GFOD2: variants seen among roughly 807,000 people sequenced by gnomAD.
GFOD2 encodes Gfo/Idh/MocA-like oxidoreductase domain containing 2.
GFOD2 carries 9 observed loss-of-function variants against 24.6 expected under a neutral mutation model. That is an observed-to-expected ratio of 0.37 (90% CI 0.22 to 0.64). The LOEUF is 0.64. Ranked by LOEUF, GFOD2 falls within the 30% of genes least tolerant of loss-of-function variation. The pLI, the probability that GFOD2 is intolerant of heterozygous loss-of-function variation, is 0.65. For missense variants in GFOD2, 476 were observed against 532.5 expected (o/e 0.89, Z 1.04); for synonymous variants, 211 against 224.8 (o/e 0.94, Z 0.55).
intron 1 of GFOD2, among the ~76,000 whole-genome samples, chr16:67,698,580 G>T (rs1343792695): frequency 6.6e-6 from 1 of 152,164 alleles, no homozygotes. Flanking sequence ...CCAGGTTCAA[G>T]CAAGTCTCCT....
intron 2 of GFOD2, among the ~76,000 whole-genome samples, chr16:67,678,476 C>CAAAAA (rs144320358): frequency 4.0e-5 from 3 of 74,946 alleles, no homozygotes; most frequent in Admixed American, 1.5e-4. Flanking sequence ...AACTCTGTCT[C>CAAAAA]AAAAAAAAAA....
Position 67,692,647 on chromosome 16 carries a change from T to C in GFOD2, c.-87-6845A>G, listed in dbSNP as rs746766556. Among the ~76,000 whole-genome samples the C allele has an allele frequency of 1.4e-5, 2 of 148,014 alleles. 1 individual carries two copies. Among genetic ancestry groups the C allele is most frequent in the South Asian group, 4.3e-4 (2 of 4,670 alleles). ...AACAAAAATGCTTCATAGGAAATTA[T>C]ACAAATGAAAGGATACATACTAAAT... is the stretch of plus-strand genomic sequence containing the variant. On this transcript the variant is annotated intron_variant, in intron 1 of 2. Coordinates refer to ENST00000268797, the MANE Select transcript of GFOD2 (RefSeq NM_030819.4).
chr16:67,701,124 T>C (rs1482715185), intron 1 of GFOD2, among the ~76,000 whole-genome samples: 7 of 152,038 alleles, frequency 4.6e-5, no homozygotes, highest in Non-Finnish European at 2.9e-5. Context: ...TATCAAATAC[T>C]GGCAAGGGTA....
At chr16:67,689,541 T>C (rs943680857) in intron 1 of GFOD2, among the ~76,000 whole-genome samples, 3 of 151,658 alleles carry the variant, frequency 2.0e-5, no homozygotes, top group Non-Finnish European at 4.4e-5. Context: ...CGTGGTGGCA[T>C]GTGCCTGTAA....
intron 2 of GFOD2, among the ~76,000 whole-genome samples, chr16:67,679,704 T>G (rs1228715838): frequency 7.9e-5 from 12 of 151,388 alleles, no homozygotes; most frequent in Non-Finnish European, 1.3e-4. Context: ...CTGACCAACA[T>G]GATGAAACCC....
intron 1 of GFOD2, among the ~76,000 whole-genome samples, chr16:67,686,324 G>A (rs1036773647): frequency 2.0e-5 from 3 of 152,056 alleles, no homozygotes; most frequent in African/African-American, 4.8e-5. Flanking sequence ...AAACACTGCA[G>A]AATCTTCTTC....
intron 2 of GFOD2, chr16:67,676,370 G>A (rs978832037): frequency 2.3e-5 from 7 of 308,980 alleles, no homozygotes; most frequent in African/African-American, 6.6e-5. Context: ...TCCTGCCTTG[G>A]CCTCCCAAAG....
chr16:67,680,888 C>G (rs1191453875), intron 2 of GFOD2: 1 of 985,318 alleles, frequency 1.0e-6, no homozygotes, highest in Non-Finnish European at 1.2e-6. Flanking sequence ...CAATCTCCTG[C>G]TCTTCTTTAA....
chr16:67,716,173 A>AT (rs1166014194), intron 1 of GFOD2, among the ~76,000 whole-genome samples: 2 of 152,042 alleles, frequency 1.3e-5, no homozygotes, highest in African/African-American at 4.8e-5. Flanking sequence ...TCCCCATTCC[A>AT]TTTCTCCTCT....
chr16:67,676,012 C>T lies in GFOD2; in HGVS notation c.301G>A (p.Val101Met). ...NVVCEKAATS[V>M]DAFRMVTASR... The stretch of plus-strand genomic sequence containing the variant: ...GCTGTCACCATCCGGAAGGCATCCA[C>T]CGATGTTGCTGCCTTCTCGCAAACC... The change falls in exon 3 of 3, where the codon GTG becomes ATG. Residue 101 changes from valine to methionine, a missense_variant. Coordinates refer to ENST00000268797, the MANE Select transcript of GFOD2 (RefSeq NM_030819.4). The T allele has an allele frequency of 6.2e-7, 1 of 1,613,788 alleles. No homozygotes were observed. Among genetic ancestry groups the T allele is most frequent in the Non-Finnish European group, 8.5e-7 (1 of 1,179,784 alleles).
rs1208965373 is a variant in GFOD2, at chr16:67,675,062, C to T, written c.*93G>A. Reference sequence around the variant, plus strand: ...TCACCCAGACTCATTAAATGAAAGACACTGTCTCTGCTAGGGCCAAGTCCC... The same window carrying T: ...TCACCCAGACTCATTAAATGAAAGATACTGTCTCTGCTAGGGCCAAGTCCC... On this transcript the variant is annotated 3_prime_UTR_variant, in exon 3 of 3. Transcript: ENST00000268797. The T allele has an allele frequency of 6.5e-6, 9 of 1,378,550 alleles. No individual in the cohort carries two copies. The highest frequency in any genetic ancestry group is 8.9e-6 in the Non-Finnish European group (9 of 1,011,262). 85.4% of individuals were successfully genotyped at this position (1,378,550 alleles called of 1,614,324 possible).
At chr16:67,686,637 C>T (rs763944053) in intron 1 of GFOD2, among the ~76,000 whole-genome samples, 50 of 151,536 alleles carry the variant, frequency 3.3e-4, no homozygotes, top group Admixed American at 5.3e-4. Context: ...CAAAACCAGC[C>T]GGGTCAACAT....
intron 1 of GFOD2, among the ~76,000 whole-genome samples, chr16:67,715,849 A>C (rs1234569600): frequency 6.6e-6 from 1 of 151,482 alleles, no homozygotes; most frequent in Non-Finnish European, 1.5e-5. Context: ...AAAAAAAAAA[A>C]CTTGTTTTAT....
chr16:67,706,421 G>T (rs973172174), intron 1 of GFOD2, among the ~76,000 whole-genome samples: 1 of 152,168 alleles, frequency 6.6e-6, no homozygotes, highest in Admixed American at 6.5e-5. Flanking sequence ...GCGGTAAACT[G>T]ATTTTCAGCC....
At chr16:67,716,679 A>G (rs959418419) in intron 1 of GFOD2, among the ~76,000 whole-genome samples, 4 of 152,252 alleles carry the variant, frequency 2.6e-5, no homozygotes, top group Admixed American at 2.6e-4. Context: ...GTTTCTGCAC[A>G]GAACACAATG....
chr16:67,707,281 C>A (rs1323891799), intron 1 of GFOD2, among the ~76,000 whole-genome samples: 1 of 151,398 alleles, frequency 6.6e-6, no homozygotes, highest in Non-Finnish European at 1.5e-5. Context: ...TTGCTTGAAC[C>A]CAGGAGGCGG....
intron 1 of GFOD2, among the ~76,000 whole-genome samples, chr16:67,700,299 C>T (rs1054901081): frequency 7.3e-5 from 11 of 151,022 alleles, no homozygotes; most frequent in Admixed American, 6.6e-4. Flanking sequence ...TGCTTGAACC[C>T]GGGAAGCAGA....
chr16:67,711,987 C>A (rs1471195499), intron 1 of GFOD2, among the ~76,000 whole-genome samples: 1 of 152,308 alleles, frequency 6.6e-6, no homozygotes, highest in South Asian at 2.1e-4. Flanking sequence ...TCCCCACCAT[C>A]CCTGCTAGAA....
intron 1 of GFOD2, among the ~76,000 whole-genome samples, chr16:67,704,308 A>C (rs2053423834): frequency 6.6e-6 from 1 of 152,228 alleles, no homozygotes; most frequent in Non-Finnish European, 1.5e-5. Context: ...GCTGAAAATG[A>C]GATCAGCGTA....
Sources: allele counts gnomAD v4.1 joint callset (sites outside exome capture counted in the v4.1 genomes callset), GRCh38; gene constraint gnomAD v4.1.1; transcripts MANE v1.5; gene names NCBI Gene and HGNC (gene_info 2026-07-23, HGNC 2026-07-21).